The following XPOT variants were observed in gnomAD, a reference collection of about 807,000 sequenced individuals.
The protein encoded by XPOT is exportin for tRNA.
XPOT carries 34 observed loss-of-function variants against 128.2 expected under a neutral mutation model. The ratio of observed to expected loss-of-function variants is 0.27; its 90% CI spans 0.20 to 0.35. The LOEUF is 0.35. Ranked by LOEUF, XPOT falls within the 10% of genes least tolerant of loss-of-function variation. The probability of loss-of-function intolerance (pLI) is 1.00; values close to 1 mark genes in which losing one functional copy is unlikely to be tolerated. For synonymous variants in XPOT, 348 were observed against 394.3 expected (o/e 0.88, Z 1.39); for missense variants, 838 against 1,125.3 (o/e 0.74, Z 3.65).
chr12:64,419,391 C>T (rs1031122964), intron 6 of XPOT, among the ~76,000 whole-genome samples: 6 of 152,124 alleles, frequency 3.9e-5, no homozygotes, highest in Admixed American at 1.3e-4. Flanking sequence ...AGTCTTGGCT[C>T]ACTGCAACCT....
At chr12:64,423,502 G>A (rs552135294) in intron 11 of XPOT, among the ~76,000 whole-genome samples, 10 of 152,100 alleles carry the variant, frequency 6.6e-5, no homozygotes, top group South Asian at 4.2e-4. Flanking sequence ...CACCCAGGCT[G>A]GAGTGCAGTG....
intron 2 of XPOT, among the ~76,000 whole-genome samples, chr12:64,412,262 T>A (rs2040045190): frequency 6.6e-6 from 1 of 152,028 alleles, no homozygotes; most frequent in Admixed American, 6.6e-5. Context: ...CTTGACCTTG[T>A]GATCTCCCTG....
At position 64,451,059 on chromosome 12, in the gene XPOT, T is replaced by G. The variant is rs1216959946; in HGVS notation, c.*2928T>G. On this transcript the variant is annotated 3_prime_UTR_variant, in exon 25 of 25. Transcript: ENST00000332707. Reference sequence around the variant, plus strand: ...GAATTGTAAGCAGTGAATAGATGTGTTGTTAGAATGATTCCATCACTTATA... The same window carrying G: ...GAATTGTAAGCAGTGAATAGATGTGGTGTTAGAATGATTCCATCACTTATA... The G allele has an allele frequency of 6.6e-6, 1 of 151,886 alleles. No individual in the cohort carries two copies. The highest frequency in any genetic ancestry group is 2.4e-5 in the African/African-American group (1 of 41,126). 9.4% of individuals were successfully genotyped at this position (151,886 alleles called of 1,614,324 possible).
intron 22 of XPOT, among the ~76,000 whole-genome samples, chr12:64,435,980 G>A (rs533463475): frequency 6.6e-6 from 1 of 151,868 alleles, no homozygotes; most frequent in East Asian, 1.9e-4. Flanking sequence ...TTTTGAGACT[G>A]AGTTTCACTT....
intron 23 of XPOT, among the ~76,000 whole-genome samples, chr12:64,442,346 T>C (rs2136038828): frequency 6.6e-6 from 1 of 152,196 alleles, no homozygotes; most frequent in East Asian, 1.9e-4. Context: ...TTGGCCAGGC[T>C]GGTCTTGAAC....
In XPOT at chr12:64,421,217, T is replaced by A; in HGVS notation, c.844-18T>A. ...GGGCAGGCAGTTTTAAACAGAGATG[T>A]GTCTTGATTGCTTATAGGAAGAAGA... On this transcript the variant is annotated intron_variant, in intron 8 of 24. Coordinates refer to ENST00000332707, the MANE Select transcript of XPOT (RefSeq NM_007235.6). 1 of 1,585,806 alleles carries A rather than the reference T, an allele frequency of 6.3e-7. No homozygotes were observed.
intron 8 of XPOT, 142 bp downstream of exon 8, chr12:64,420,663 G>T: frequency 1.6e-6 from 1 of 628,854 alleles, no homozygotes; most frequent in Non-Finnish European, 2.6e-6. Flanking sequence ...ACTGCATCTA[G>T]CCAAAATGTT....
rs1217803469 is a variant in XPOT at position 64,433,091 on chromosome 12, G to A, written c.2263-323G>A. 5.3e-5 allele frequency among the ~76,000 whole-genome samples: 8 copies of A among 152,130 alleles called. No individual in the cohort carries two copies. In the South Asian group the frequency reaches 1.2e-3, roughly 24 times the overall value. On this transcript the variant is annotated intron_variant, in intron 18 of 24. Transcript: ENST00000332707. ...AGTAGCTTGGACTGGGACTACAGGC[G>A]TGCGCCACTACACCCAGCTAATTTT...
chr12:64,415,353 A>T (rs568295626), intron 3 of XPOT, among the ~76,000 whole-genome samples: 2 of 151,224 alleles, frequency 1.3e-5, no homozygotes, highest in Admixed American at 1.3e-4. Context: ...TTAATTTTAA[A>T]ATTATTTATT....
intron 2 of XPOT, among the ~76,000 whole-genome samples, chr12:64,411,742 C>G (rs1257916431): frequency 6.6e-6 from 1 of 152,122 alleles, no homozygotes; most frequent in Non-Finnish European, 1.5e-5. Context: ...AGAAGAATGA[C>G]TGTCTGCCAA....
At chr12:64,420,874 C>T (rs2136019464) in intron 8 of XPOT, among the ~76,000 whole-genome samples, 1 of 152,306 alleles carries the variant, frequency 6.6e-6, no homozygotes, top group South Asian at 2.1e-4. Flanking sequence ...AGTCTCGGCT[C>T]ACTGCAACCT....
intron 1 of XPOT, chr12:64,405,406 G>T (rs2039970261): frequency 6.6e-6 from 1 of 152,066 alleles, no homozygotes; most frequent in Non-Finnish European, 1.5e-5. Flanking sequence ...TTATTAAACC[G>T]ACTTGTCAGC....
intron 11 of XPOT, 42 bp from the exon 12 acceptor site, chr12:64,424,557 A>G: frequency 6.2e-7 from 1 of 1,608,310 alleles, no homozygotes; most frequent in Non-Finnish European, 8.5e-7. Context: ...GCGCCGATCA[A>G]CCCATAAGTT....
chr12:64,423,457 C>CT (rs902334577), intron 11 of XPOT, among the ~76,000 whole-genome samples: 23 of 150,778 alleles, frequency 1.5e-4, no homozygotes, highest in East Asian at 5.9e-4. Flanking sequence ...ACCCCCCCTC[C>CT]TTTTTTTTTG....
chr12:64,428,189 C>T, intron 16 of XPOT, 69 bp downstream of exon 16: 1 of 1,108,274 alleles, frequency 9.0e-7, no homozygotes, highest in Non-Finnish European at 1.3e-6. Flanking sequence ...TTAGCCTTGC[C>T]TTTGTTGGCA....
intron 8 of XPOT, 140 bp from the exon 9 acceptor site, chr12:64,421,094 GC>G (rs1266141449): frequency 2.8e-6 from 2 of 727,096 alleles, no homozygotes; most frequent in Non-Finnish European, 4.7e-6. Context: ...AAGCCACCGT[GC>G]CCAGCCTGGA....
intron 5 of XPOT, 61 bp downstream of exon 5, chr12:64,418,176 A>G: frequency 2.8e-6 from 4 of 1,442,498 alleles, no homozygotes; most frequent in Non-Finnish European, 3.8e-6. Context: ...ATTTTTTGCA[A>G]GAGTTTGGAA....
intron 11 of XPOT, among the ~76,000 whole-genome samples, chr12:64,424,202 G>T (rs1251725077): frequency 6.6e-6 from 1 of 152,114 alleles, no homozygotes; most frequent in African/African-American, 2.4e-5. Flanking sequence ...AATAAATAAG[G>T]TGCAAAGAAT....
At position 64,410,077 on chromosome 12, in the gene XPOT, T is replaced by G; in HGVS notation, c.42T>G (p.Asp14Glu). The change falls in exon 2 of 25, where the codon GAT becomes GAG. Residue 14 changes from aspartate to glutamate, a missense_variant. By Grantham distance (45) the Asp-to-Glu change is conservative. Coordinates refer to ENST00000332707, the MANE Select transcript of XPOT (RefSeq NM_007235.6). ...QALLGLNPNA[D>E]SDFRQRALAY... ...TATTAGGGCTAAATCCAAATGCTGATTCAGACTTTAGACAAAGGGTAAGTT... is the reference window on the plus strand; with the variant it reads ...TATTAGGGCTAAATCCAAATGCTGAGTCAGACTTTAGACAAAGGGTAAGTT... 1 of 1,613,870 alleles carries G rather than the reference T, an allele frequency of 6.2e-7. No individual in the cohort carries two copies. Among genetic ancestry groups the G allele is most frequent in the East Asian group, 2.2e-5 (1 of 44,856 alleles).
Sources: allele counts gnomAD v4.1 joint callset (sites outside exome capture counted in the v4.1 genomes callset), GRCh38; gene constraint gnomAD v4.1.1; transcripts MANE v1.5; gene names NCBI Gene and HGNC (gene_info 2026-07-23, HGNC 2026-07-21).